Variants in DMD observed in about 807,000 individuals in gnomAD.
DMD encodes the protein mutant dystrophin.
DMD carries 63 observed loss-of-function variants against 330.1 expected under a neutral mutation model. The ratio of observed to expected loss-of-function variants is 0.19; its 90% CI spans 0.16 to 0.24. DMD has a LOEUF of 0.24. Ranked by LOEUF, DMD falls within the 10% of genes least tolerant of loss-of-function variation. The pLI, the probability that DMD is intolerant of heterozygous loss-of-function variation, is 1.00. For synonymous variants in DMD, 1,223 were observed against 959.8 expected, an observed-to-expected ratio of 1.27 and a Z score of -5.07; for missense variants, 3,344 against 2,684.1, an observed-to-expected ratio of 1.25 and a Z score of -5.43.
intron 52 of DMD, among the ~76,000 whole-genome samples, chrX:31,698,615 T>C (rs1385444599): frequency 2.7e-5 from 3 of 112,303 alleles, no homozygotes; most frequent in Non-Finnish European, 5.6e-5. Flanking sequence ...GACCTATCTA[T>C]AGTTAAGCTT....
At chrX:31,691,765 C>T (rs931549007) in intron 52 of DMD, among the ~76,000 whole-genome samples, 1 of 111,963 alleles carries the variant, frequency 8.9e-6, no homozygotes, top group Non-Finnish European at 1.9e-5. Context: ...CATCCCAAAT[C>T]AGAGCACCTA....
chrX:31,825,992 T>C (rs1228525452), intron 49 of DMD, among the ~76,000 whole-genome samples: 7 of 111,837 alleles, frequency 6.3e-5, no homozygotes, highest in Non-Finnish European at 1.9e-5. Flanking sequence ...TATTATGCGC[T>C]GCTCAATGAA....
At chrX:33,279,694 C>A (rs145372158) in intron 1 of DMD, among the ~76,000 whole-genome samples, 4 of 111,165 alleles carry the variant, frequency 3.6e-5, no homozygotes, top group African/African-American at 1.3e-4. Context: ...TATGATTTAC[C>A]CAGTTTCTCC....
intron 7 of DMD, among the ~76,000 whole-genome samples, chrX:32,704,069 G>A (rs748629583): frequency 9.9e-5 from 11 of 111,671 alleles, no homozygotes; most frequent in South Asian, 3.7e-4. Flanking sequence ...CAATAACACC[G>A]TTTCTGATGA....
Position 31,511,230 on chromosome X carries a change from C to T in DMD, c.8218-3777G>A, listed in dbSNP as rs189096735. On this transcript the variant is annotated intron_variant, in intron 55 of 78. Transcript: ENST00000357033. ...TGCAGGGCAGGCTGCAAGGAATATACATTATACATAATATAATATAATATA... is the reference window on the plus strand; with the variant it reads ...TGCAGGGCAGGCTGCAAGGAATATATATTATACATAATATAATATAATATA... Among the ~76,000 whole-genome samples, 646 of 70,582 alleles carry T rather than the reference C, an allele frequency of 9.2e-3. 4 individuals carry two copies. Among genetic ancestry groups the T allele is most frequent in the Middle Eastern group, 0.022 (3 of 136 alleles). 61.3% of individuals were successfully genotyped at this position (70,582 alleles called of 115,157 possible). A position where few individuals can be genotyped will look rare whatever the true frequency, so the allele number is the denominator to read the frequency against.
chrX:32,561,461 G>A (rs757331619), intron 16 of DMD, among the ~76,000 whole-genome samples: 1,241 of 111,742 alleles, frequency 0.011, 22 homozygotes, highest in African/African-American at 0.038. Flanking sequence ...TAGAGAAAAA[G>A]AAAAGAATAA....
At chrX:32,787,749 G>A (rs1311164547) in intron 7 of DMD, among the ~76,000 whole-genome samples, 6 of 93,500 alleles carry the variant, frequency 6.4e-5, no homozygotes, top group Admixed American at 3.8e-4. Flanking sequence ...TAAGGACCAC[G>A]GTTGACCATG....
At chrX:32,678,680 ACAGT>A (rs1259527279) in intron 9 of DMD, among the ~76,000 whole-genome samples, 1 of 111,434 alleles carries the variant, frequency 9.0e-6, no homozygotes, top group Non-Finnish European at 1.9e-5. Flanking sequence ...TCATTCTCTC[ACAGT>A]CAGAGTTATA....
chrX:31,793,062 T>A (rs2091653684), intron 50 of DMD, among the ~76,000 whole-genome samples: 1 of 110,967 alleles, frequency 9.0e-6, no homozygotes, highest in Non-Finnish European at 1.9e-5. Flanking sequence ...TGGCAAGTAA[T>A]CTTCCCCTGA....
At chrX:32,003,832 A>G (rs751021332) in intron 44 of DMD, among the ~76,000 whole-genome samples, 54 of 111,302 alleles carry the variant, frequency 4.9e-4, no homozygotes, top group Non-Finnish European at 1.0e-3. Flanking sequence ...CTATATGTGT[A>G]TAATTAGTAT....
At chrX:32,628,664 T>A (rs908584939) in intron 11 of DMD, among the ~76,000 whole-genome samples, 1 of 110,837 alleles carries the variant, frequency 9.0e-6, no homozygotes, top group African/African-American at 3.3e-5. Flanking sequence ...ACCTATAAAC[T>A]TTCCTCATAG....
At chrX:32,803,899 G>A (rs916947231) in intron 7 of DMD, among the ~76,000 whole-genome samples, 3 of 112,172 alleles carry the variant, frequency 2.7e-5, no homozygotes, top group Non-Finnish European at 5.6e-5. Flanking sequence ...TAGAATAAGT[G>A]CAATGTGGTG....
chrX:31,517,409 C>G (rs145354144), intron 55 of DMD, among the ~76,000 whole-genome samples: 11,020 of 111,441 alleles, frequency 0.099, 414 homozygotes, highest in East Asian at 0.14. Flanking sequence ...GGAGCCAGAG[C>G]TACAGGCAGG....
chrX:32,909,665 T>A (rs2149330977), intron 2 of DMD, among the ~76,000 whole-genome samples: 1 of 111,455 alleles, frequency 9.0e-6, no homozygotes, highest in South Asian at 3.7e-4. Context: ...ATGCCATGAA[T>A]GCAACAAAAA....
In DMD at chrX:32,545,288, G is replaced by A. The variant is rs367769606; in HGVS notation, c.2039C>T (p.Thr680Ile). 9.1e-6 allele frequency: 11 copies of A among 1,209,061 alleles called. No individual in the cohort carries two copies. The highest frequency in any genetic ancestry group is 2.2e-5 in the Admixed American group (1 of 45,657). ...CACCGTAGTTACTGTTTCCATTACA[G>A]TTGTCTGTGTTAGTGATGGCTGAGT... ...TTTQPSLTQTTVMETVTTVTT... is the reference protein window; with the variant it reads ...TTTQPSLTQTIVMETVTTVTT... The change falls in exon 17 of 79, where the codon ACT (threonine) becomes ATT (isoleucine). Residue 680 changes from threonine to isoleucine, a missense_variant. Thr to Ile is a moderately conservative substitution (Grantham distance 89). Coordinates refer to ENST00000357033, the MANE Select transcript of DMD (RefSeq NM_004006.3).
At chrX:32,437,758 T>C (rs186780842) in intron 29 of DMD, among the ~76,000 whole-genome samples, 1 of 112,790 alleles carries the variant, frequency 8.9e-6, no homozygotes, top group Admixed American at 9.4e-5. Flanking sequence ...TATTTTGTTT[T>C]AGTTTTGATT....
At chrX:31,393,489 AAACAAAAAAAAAAAAC>A (rs1245446611) in intron 60 of DMD, among the ~76,000 whole-genome samples, 32 of 94,675 alleles carry the variant, frequency 3.4e-4, no homozygotes, top group African/African-American at 1.6e-3. Flanking sequence ...AAAAAAAAAA[AAACAAAAAAAAAAAAC>A]AAACCCAACT....
At chrX:31,384,162 G>A (rs1017691827) in intron 60 of DMD, among the ~76,000 whole-genome samples, 2 of 111,803 alleles carry the variant, frequency 1.8e-5, no homozygotes, top group Non-Finnish European at 3.8e-5. Context: ...CACTCACCCT[G>A]GCTCCTGTAC....
intron 11 of DMD, among the ~76,000 whole-genome samples, chrX:32,638,729 T>G (rs2059253982): frequency 8.9e-6 from 1 of 112,070 alleles, no homozygotes; most frequent in Admixed American, 9.5e-5. Flanking sequence ...AGATTGGAAT[T>G]ACCTGAATAA....
Sources: gnomAD v4.1 joint callset for allele counts (sites outside exome capture counted in the v4.1 genomes callset) on GRCh38, gnomAD v4.1.1 for gene constraint, MANE v1.5 for transcripts, NCBI Gene and HGNC (gene_info 2026-07-23, HGNC 2026-07-21) for gene names.